CCDC171: variants seen among roughly 807,000 people sequenced by gnomAD.
CCDC171 encodes coiled-coil domain-containing protein 171.
In CCDC171, 177 loss-of-function variants were observed where a neutral mutation model predicts 168.2. That is an observed-to-expected ratio of 1.05 (90% CI 0.93 to 1.19). The LOEUF (loss-of-function observed/expected upper bound fraction) is 1.19. Ranked by LOEUF, CCDC171 falls within the 50% of genes most tolerant of loss-of-function variation. The pLI, the probability that CCDC171 is intolerant of heterozygous loss-of-function variation, is 0.00. For missense variants in CCDC171, 1,991 were observed against 1,539.0 expected (o/e 1.29, Z -4.91); for synonymous variants, 687 against 540.8 (o/e 1.27, Z -3.75).
At chr9:15,596,376 T>C (rs2042358587) in intron 6 of CCDC171, among the ~76,000 whole-genome samples, 1 of 151,848 alleles carries the variant, frequency 6.6e-6, no homozygotes, top group Non-Finnish European at 1.5e-5. Context: ...TAGCCAGTTT[T>C]CCCAGCACCA....
intron 3 of CCDC171, among the ~76,000 whole-genome samples, chr9:15,982,744 C>G (rs1831839853): frequency 6.6e-6 from 1 of 152,002 alleles, no homozygotes; most frequent in African/African-American, 2.4e-5. Context: ...ACTTTAGGTT[C>G]TTAAACCGAC....
At chr9:16,013,712 G>T (rs1166944182) in intron 3 of CCDC171, among the ~76,000 whole-genome samples, 1 of 152,172 alleles carries the variant, frequency 6.6e-6, no homozygotes, top group Non-Finnish European at 1.5e-5. Context: ...ACAATAAAGT[G>T]AGTCACAGAT....
chr9:15,902,483 G>A (rs1285373037), intron 24 of CCDC171, among the ~76,000 whole-genome samples: 5 of 152,136 alleles, frequency 3.3e-5, no homozygotes, highest in Non-Finnish European at 7.3e-5. Context: ...ATTGAAACAT[G>A]AATTCCCTGA....
At chr9:15,956,126 T>A (rs564738689) in intron 25 of CCDC171, among the ~76,000 whole-genome samples, 2 of 152,280 alleles carry the variant, frequency 1.3e-5, no homozygotes, top group South Asian at 2.1e-4. Flanking sequence ...AATTTGCCTT[T>A]ATGTAAAGAA....
At chr9:16,015,232 G>A (rs186919933) in intron 3 of CCDC171, among the ~76,000 whole-genome samples, 1 of 152,288 alleles carries the variant, frequency 6.6e-6, no homozygotes, top group East Asian at 1.9e-4. Context: ...ACACTTCTAT[G>A]TAATGGAGAT....
intron 24 of CCDC171, among the ~76,000 whole-genome samples, chr9:15,881,021 C>T (rs960765922): frequency 1.3e-5 from 2 of 152,104 alleles, no homozygotes; most frequent in East Asian, 1.9e-4. Context: ...GACTCTAGTT[C>T]TTCAGAATGT....
At chr9:15,791,837 C>G (rs984208446) in intron 21 of CCDC171, among the ~76,000 whole-genome samples, 1 of 152,138 alleles carries the variant, frequency 6.6e-6, no homozygotes. Context: ...TCACCATCAT[C>G]AAAGACCAAA....
intron 2 of CCDC171, among the ~76,000 whole-genome samples, chr9:15,570,218 G>A (rs868546915): frequency 3.9e-5 from 6 of 151,956 alleles, no homozygotes; most frequent in Admixed American, 1.3e-4. Context: ...TGATCTGCCC[G>A]CCACAGCCTC....
chr9:15,831,508 T>C (rs1281845109), intron 21 of CCDC171, among the ~76,000 whole-genome samples: 1 of 152,228 alleles, frequency 6.6e-6, no homozygotes, highest in Non-Finnish European at 1.5e-5. Flanking sequence ...ATTGTAATTA[T>C]ACTAATAAAC....
intron 6 of CCDC171, among the ~76,000 whole-genome samples, chr9:15,609,806 G>C (rs1009329933): frequency 2.4e-4 from 36 of 152,034 alleles, no homozygotes; most frequent in African/African-American, 8.5e-4. Context: ...GGTGAGGGAG[G>C]GGTTATTCTT....
chr9:15,977,046 T>C (rs1304508907), downstream of CCDC171, among the ~76,000 whole-genome samples: 1 of 152,178 alleles, frequency 6.6e-6, no homozygotes, highest in Non-Finnish European at 1.5e-5. Context: ...CCTCCAGTCC[T>C]CCTGGTTAAG....
intron 3 of CCDC171, among the ~76,000 whole-genome samples, chr9:16,010,783 T>G (rs1832848493): frequency 1.3e-5 from 2 of 149,482 alleles, no homozygotes. Context: ...GAGCATGGAA[T>G]GCTGAAAAAA....
intron 10 of CCDC171, among the ~76,000 whole-genome samples, chr9:15,685,191 A>C (rs2050302187): frequency 1.3e-5 from 2 of 152,236 alleles, no homozygotes; most frequent in African/African-American, 4.8e-5. Context: ...AAAAATTAGA[A>C]ACAATATTTT....
At chr9:16,011,301 A>C (rs2132986356) in intron 3 of CCDC171, among the ~76,000 whole-genome samples, 1 of 152,286 alleles carries the variant, frequency 6.6e-6, no homozygotes, top group South Asian at 2.1e-4. Context: ...CACCTATTCT[A>C]TCCTGTTTAT....
At chr9:16,035,622 G>A (rs943251343) in intron 7 of CCDC171, 1 of 152,158 alleles carries the variant, frequency 6.6e-6, no homozygotes, top group Non-Finnish European at 1.5e-5. Flanking sequence ...CTTACTGCCT[G>A]CTTCTAGTTA....
chr9:15,687,346 A>G (rs1026495020), intron 10 of CCDC171, among the ~76,000 whole-genome samples: 2 of 152,036 alleles, frequency 1.3e-5, no homozygotes, highest in Non-Finnish European at 2.9e-5. Flanking sequence ...GTTCCTAGCT[A>G]CTTGGAAGGC....
intron 21 of CCDC171, among the ~76,000 whole-genome samples, chr9:15,798,297 A>G (rs1026172350): frequency 6.6e-6 from 1 of 152,020 alleles, no homozygotes; most frequent in African/African-American, 2.4e-5. Context: ...CTGGTAATTC[A>G]TATTTTCTCT....
chr9:15,813,472 G>A (rs2059440508), intron 21 of CCDC171, among the ~76,000 whole-genome samples: 1 of 152,064 alleles, frequency 6.6e-6, no homozygotes, highest in Non-Finnish European at 1.5e-5. Context: ...TTTGGCTATA[G>A]CATCTAACTA....
intron 11 of CCDC171, among the ~76,000 whole-genome samples, chr9:15,708,257 C>T (rs1378667855): frequency 1.3e-5 from 2 of 152,226 alleles, no homozygotes; most frequent in Non-Finnish European, 2.9e-5. Flanking sequence ...TAGTTCCACA[C>T]TTTCATACTA....
Sources: gnomAD v4.1 joint callset for allele counts (sites outside exome capture counted in the v4.1 genomes callset) on GRCh38, gnomAD v4.1.1 for gene constraint, MANE v1.5 for transcripts, NCBI Gene and HGNC (gene_info 2026-07-23, HGNC 2026-07-21) for gene names.